The following ZNF48 variants were observed in gnomAD, a reference collection of about 807,000 sequenced individuals.
The protein encoded by ZNF48 is zinc finger protein 553.
In ZNF48, 20 loss-of-function variants were observed where a neutral mutation model predicts 40.0. The observed-to-expected ratio is 0.50, with a 90% confidence interval of 0.35 to 0.73. The LOEUF is 0.73. Ranked by LOEUF, ZNF48 falls within the 30% of genes least tolerant of loss-of-function variation. The pLI, the probability that ZNF48 is intolerant of heterozygous loss-of-function variation, is 0.01. For missense variants in ZNF48, 726 were observed against 851.9 expected (o/e 0.85, Z 1.84); for synonymous variants, 298 against 329.7 (o/e 0.90, Z 1.04).
rs1295217773 is a variant in ZNF48 at position 30,381,412 on chromosome 16, C to T, written c.-16+3002C>T. 1 of 1,613,986 alleles carries T rather than the reference C, an allele frequency of 6.2e-7. No individual in the cohort carries two copies. Among genetic ancestry groups the T allele is most frequent in the Admixed American group, 1.7e-5 (1 of 59,994 alleles). ...TCCTGGATGTTCTTCCGGTTCAGGC[C>T]ACTCTCATCCCTAAGGTACTGCTCA... On this transcript the variant is annotated intron_variant, in intron 1 of 2. Coordinates refer to the ZNF48 transcript ENST00000528032. The surrounding 1 kb of genome is among the most constrained non-coding windows in gnomAD (Gnocchi z 4.3).
At chr16:30,378,506 T>C (rs2049783898) in intron 1 of ZNF48, 1 of 1,580,802 alleles carries the variant, frequency 6.3e-7, no homozygotes, top group Non-Finnish European at 8.6e-7. Context: ...CCAGCATCTC[T>C]TGCATGCGGC....
chr16:30,399,062 T>A lies in ZNF48; in HGVS notation c.1812T>A (p.Gly604=). Residue 604 remains glycine (G), a synonymous_variant, in exon 3 of 3, where the codon GGT becomes GGA. Transcript: ENST00000613509. ...LVLTPFGIGD[G]RARPLKQEAA... Reference sequence around the variant, plus strand: ...TGACGCCCTTTGGGATAGGGGATGGTAGGGCAAGGCCCCTCAAGCAGGAGG... The same window carrying A: ...TGACGCCCTTTGGGATAGGGGATGGAAGGGCAAGGCCCCTCAAGCAGGAGG... The A allele has an allele frequency of 6.2e-7, 1 of 1,608,738 alleles. No homozygotes were observed. The highest frequency in any genetic ancestry group is 8.5e-7 in the Non-Finnish European group (1 of 1,177,176).
chr16:30,378,731 A>G (rs1426728167), intron 1 of ZNF48: 1 of 1,592,776 alleles, frequency 6.3e-7, no homozygotes, highest in Non-Finnish European at 8.5e-7. Flanking sequence ...GACAGGAATC[A>G]GGAGCGGGAC....
chr16:30,382,854 A>G lies in ZNF48; in HGVS notation c.-16+4444A>G, dbSNP rs1356397969. The G allele has an allele frequency of 1.4e-6, 2 of 1,422,258 alleles. No homozygotes were observed. Among genetic ancestry groups the G allele is most frequent in the Non-Finnish European group, 1.9e-6 (2 of 1,043,580 alleles). The allele number at this position is 1,422,258 out of a possible 1,614,324, so 88.1% of individuals were successfully genotyped here. A position where few individuals can be genotyped will look rare whatever the true frequency, so the allele number is the denominator to read the frequency against. Reference sequence around the variant, plus strand: ...GTGGCTCCCTTTGTTAGCAGGGGAGATGAAGGTTTTGATGAGCTGATTAGA... The same window carrying G: ...GTGGCTCCCTTTGTTAGCAGGGGAGGTGAAGGTTTTGATGAGCTGATTAGA... On this transcript the variant is annotated intron_variant, in intron 1 of 2. Coordinates refer to the ZNF48 transcript ENST00000528032. This position sits in a 1 kb window ranked among gnomAD's most constrained non-coding sequence, Gnocchi z 4.8.
Position 30,398,284 on chromosome 16 carries a change from C to A in ZNF48, c.1034C>A (p.Ala345Asp). The change falls in exon 3 of 3, where the codon GCC becomes GAC. Residue 345 changes from alanine to aspartate, a missense_variant. By Grantham distance (126) the Ala-to-Asp change is moderately radical. Transcript: ENST00000613509. The surrounding 1 kb of genome is among the most constrained non-coding windows in gnomAD (Gnocchi z 6.6). ...GGCAAAGGTTTCGCGGACAGCTCCG[C>A]CCGAGTCAAACACCTCCGCACCCAC... ...ECGKGFADSSARVKHLRTHSG... is the reference protein window; with the variant it reads ...ECGKGFADSSDRVKHLRTHSG... The A allele has an allele frequency of 6.2e-7, 1 of 1,613,530 alleles. No individual in the cohort carries two copies. The highest frequency in any genetic ancestry group is 8.5e-7 in the Non-Finnish European group (1 of 1,180,014).
At chr16:30,379,312 C>G (rs2049805176) in intron 1 of ZNF48, 7 of 1,430,708 alleles carry the variant, frequency 4.9e-6, no homozygotes, top group Non-Finnish European at 6.8e-6. Flanking sequence ...AGCCCAGCGA[C>G]CCCCCTTTCC....
chr16:30,380,051 T>A, intron 1 of ZNF48: 2 of 1,599,066 alleles, frequency 1.3e-6, no homozygotes, highest in Non-Finnish European at 1.7e-6. Context: ...GAAACAGATA[T>A]AGAGACAGTG....
chr16:30,389,712 C>T (rs2049927521), intron 1 of ZNF48, among the ~76,000 whole-genome samples: 1 of 146,096 alleles, frequency 6.8e-6, no homozygotes, highest in African/African-American at 2.5e-5. Context: ...ATATTTGGGG[C>T]TTGTTTGCTT....
At position 30,382,027 on chromosome 16, in the gene ZNF48, T is replaced by G; in HGVS notation, c.-16+3617T>G. 6.3e-7 allele frequency: 1 copy of G among 1,595,644 alleles called. No individual in the cohort carries two copies. Among genetic ancestry groups the G allele is most frequent in the East Asian group, 2.2e-5 (1 of 44,460 alleles). ...GCAGTCAACTACCTGAGTCCCCAGA[T>G]GGAAAAGACTAGGGTGTAACCTGGG... On this transcript the variant is annotated intron_variant, in intron 1 of 2. Coordinates refer to the ZNF48 transcript ENST00000528032. This position sits in a 1 kb window ranked among gnomAD's most constrained non-coding sequence, Gnocchi z 4.8.
At chr16:30,380,829 G>A (rs1671952168) in intron 1 of ZNF48, 1 of 437,680 alleles carries the variant, frequency 2.3e-6, no homozygotes. Context: ...AGTGGGAAAG[G>A]GCTCTGAAGA....
At chr16:30,387,872 T>C (rs2049913528) in intron 1 of ZNF48, among the ~76,000 whole-genome samples, 1 of 152,060 alleles carries the variant, frequency 6.6e-6, no homozygotes, top group Non-Finnish European at 1.5e-5. Flanking sequence ...CGTACGCCTA[T>C]ATATATGTAT....
At chr16:30,383,810 C>T (rs1291820343) in intron 1 of ZNF48, among the ~76,000 whole-genome samples, 1 of 152,202 alleles carries the variant, frequency 6.6e-6, no homozygotes, top group Non-Finnish European at 1.5e-5. Context: ...TGAGCTTTTC[C>T]TTTTTCTGAA....
In ZNF48 at chr16:30,397,876, A is replaced by G; in HGVS notation, c.626A>G (p.Lys209Arg). The G allele has an allele frequency of 6.2e-7, 1 of 1,614,052 alleles. No individual in the cohort carries two copies. The change falls in exon 3 of 3, where the codon AAA (lysine) becomes AGA (arginine). Residue 209 changes from lysine to arginine, a missense_variant. Physicochemically the swap from Lys to Arg is conservative, Grantham distance 26. Coordinates refer to ENST00000613509, the MANE Select transcript of ZNF48 (RefSeq NM_001214909.2). The surrounding 1 kb of genome is among the most constrained non-coding windows in gnomAD (Gnocchi z 4.1). Reference sequence around the variant, plus strand: ...TTCCGGCAGAGTTCTGACCTGGTGAAACACCAGCGGACACACACTGGTGAG... The same window carrying G: ...TTCCGGCAGAGTTCTGACCTGGTGAGACACCAGCGGACACACACTGGTGAG... ...KSFRQSSDLVKHQRTHTGEKP... is the reference protein window; with the variant it reads ...KSFRQSSDLVRHQRTHTGEKP...
chr16:30,396,665 T>C (rs1159461894), intron 2 of ZNF48, among the ~76,000 whole-genome samples: 1 of 151,400 alleles, frequency 6.6e-6, no homozygotes, highest in Non-Finnish European at 1.5e-5. Flanking sequence ...AGAGAGACCT[T>C]AGTTAGACAT....
At position 30,381,157 on chromosome 16, in the gene ZNF48, C is replaced by T. The variant is rs1347132455; in HGVS notation, c.-16+2747C>T. 1.2e-6 allele frequency: 2 copies of T among 1,613,954 alleles called. No individual in the cohort carries two copies. The highest frequency in any genetic ancestry group is 3.3e-5 in the Admixed American group (2 of 59,988). ...GCTTGAGGGCCTGGGTTTCCTGGGG[C>T]ATCAGAGCATCCGCTTTGCCAATGA... On this transcript the variant is annotated intron_variant, in intron 1 of 2. Coordinates refer to the ZNF48 transcript ENST00000528032. The surrounding 1 kb of genome is among the most constrained non-coding windows in gnomAD (Gnocchi z 4.3).
rs1253891036 is a variant in ZNF48 at position 30,398,815 on chromosome 16, G to A, written c.1565G>A (p.Gly522Asp). The A allele has an allele frequency of 3.9e-5, 63 of 1,613,586 alleles. No individual in the cohort carries two copies. The highest frequency in any genetic ancestry group is 5.1e-5 in the Non-Finnish European group (60 of 1,180,036). ...STLLRPHNPP[G>D]PVPMAPRPRV... ...CTGCTGCGGCCACATAACCCACCTG[G>A]CCCAGTACCCATGGCCCCTCGACCC... The change falls in exon 3 of 3, where the codon GGC becomes GAC. Residue 522 changes from glycine to aspartate, a missense_variant. Physicochemically the swap from Gly to Asp is moderately conservative, Grantham distance 94. Around this residue, in one of 5 missense-constraint regions of ZNF48, gnomAD observed 166 missense variants for 163.6 expected, o/e 1.01. Coordinates refer to ENST00000613509, the MANE Select transcript of ZNF48 (RefSeq NM_001214909.2). The surrounding 1 kb of genome is among the most constrained non-coding windows in gnomAD (Gnocchi z 6.6).
At chr16:30,394,055 G>A (rs922878695), upstream of ZNF48, among the ~76,000 whole-genome samples, 23 of 151,280 alleles carry the variant, frequency 1.5e-4, no homozygotes, top group Non-Finnish European at 2.9e-4. Context: ...TAAAGAGACA[G>A]GGTCTCGCTC....
chr16:30,398,222 G>A lies in ZNF48; in HGVS notation c.972G>A (p.Val324=), dbSNP rs2050008566. 4 of 1,613,478 alleles carry A rather than the reference G, an allele frequency of 2.5e-6. No individual in the cohort carries two copies. Among genetic ancestry groups the A allele is most frequent in the East Asian group, 2.2e-5 (1 of 44,882 alleles). The part of the protein sequence containing the change: ...RGSDLVKHLR[V]HTGEKPYLCP... ...CCGACCTGGTGAAGCACCTGCGGGT[G>A]CACACGGGTGAGAAGCCCTACCTCT... Residue 324 remains valine (V), a synonymous_variant, in exon 3 of 3, where the codon GTG becomes GTA. Coordinates refer to ENST00000613509, the MANE Select transcript of ZNF48 (RefSeq NM_001214909.2). This position sits in a 1 kb window ranked among gnomAD's most constrained non-coding sequence, Gnocchi z 6.6.
chr16:30,391,589 G>A (rs959049993), upstream of ZNF48, among the ~76,000 whole-genome samples: 3 of 151,318 alleles, frequency 2.0e-5, no homozygotes, highest in Non-Finnish European at 2.9e-5. Context: ...TCCGGCTCGC[G>A]AGTTCAAGCG....
Sources: allele counts gnomAD v4.1 joint callset (sites outside exome capture counted in the v4.1 genomes callset), GRCh38; gene constraint gnomAD v4.1.1; regional missense constraint gnomAD v4.1.1; non-coding constraint Gnocchi (gnomAD v3.1); transcripts MANE v1.5; gene names NCBI Gene and HGNC (gene_info 2026-07-23, HGNC 2026-07-21).